Variants in DDHD2 observed in about 807,000 individuals in gnomAD.
The protein encoded by DDHD2 is DDHD domain containing 2.
In DDHD2, 62 loss-of-function variants were observed where a neutral mutation model predicts 91.2. The ratio of observed to expected loss-of-function variants is 0.68; its 90% CI spans 0.55 to 0.84. The LOEUF is 0.84. DDHD2 is among the 40% of genes least tolerant of loss of function. The probability of loss-of-function intolerance (pLI) is 0.00; values close to 1 mark genes in which losing one functional copy is unlikely to be tolerated. For synonymous variants in DDHD2, 271 were observed against 293.9 expected (o/e 0.92, Z 0.80); for missense variants, 740 against 846.9 (o/e 0.87, Z 1.57).
At chr8:38,241,925 G>A (rs1805295870) in intron 6 of DDHD2, 2 of 213,368 alleles carry the variant, frequency 9.4e-6, no homozygotes, top group African/African-American at 4.7e-5. Flanking sequence ...ATGGTGGTAT[G>A]TGCCTGTAAT....
chr8:38,267,871 T>C, intron 1 of DDHD2: 1 of 1,611,484 alleles, frequency 6.2e-7, no homozygotes, highest in Non-Finnish European at 8.5e-7. Context: ...AGGCAGATGC[T>C]GGGGTGGTTA....
chr8:38,260,105 A>G lies in DDHD2; in HGVS notation c.2120A>G (p.Asp707Gly), dbSNP rs755362169. The stretch of plus-strand genomic sequence containing the variant: ...TACCAAACCCAGGGTATCTTCCTTG[A>G]TCAGCCTTTACAGTAAAAATGACCC... ...EIYQTQGIFL[D>G]QPLQ Residue 707 changes from aspartate (D) to glycine (G), a missense_variant, in exon 17 of 18, where the codon GAT becomes GGT. Asp to Gly is a moderately conservative substitution (Grantham distance 94). This residue lies in a region of DDHD2 where 47 missense variants were observed against 82.6 expected (regional missense o/e 0.57). Transcript: ENST00000397166. The G allele has an allele frequency of 1.9e-6, 3 of 1,612,802 alleles. No individual in the cohort carries two copies. Among genetic ancestry groups the G allele is most frequent in the Non-Finnish European group, 2.5e-6 (3 of 1,178,940 alleles).
downstream of DDHD2, chr8:38,264,484 G>T (rs1373415973): frequency 1.9e-6 from 3 of 1,552,956 alleles, no homozygotes; most frequent in East Asian, 4.9e-5. Context: ...CTTCTGTGCA[G>T]TGGAAAGTAC....
chr8:38,268,724 GGATCTTAAACACTCGAGCCCT>G, intron 1 of DDHD2: 1 of 1,433,952 alleles, frequency 7.0e-7, no homozygotes, highest in Non-Finnish European at 9.1e-7. Context: ...CTCTCAATCA[GGATCTTAAACACTCGAGCCCT>G]AGGAGGCGGA....
chr8:38,269,554 C>T (rs908389283), intron 1 of DDHD2: 1 of 292,482 alleles, frequency 3.4e-6, no homozygotes, highest in Non-Finnish European at 6.3e-6. Flanking sequence ...CTCAGATCCT[C>T]GTTCCTTAGC....
intron 2 of DDHD2, among the ~76,000 whole-genome samples, chr8:38,234,140 A>G (rs147891283): frequency 6.6e-6 from 1 of 152,266 alleles, no homozygotes; most frequent in East Asian, 1.9e-4. Context: ...GGGCACTGCT[A>G]TCTTTCCCCA....
At chr8:38,247,880 T>C (rs754728517) in intron 10 of DDHD2, 45 bp downstream of exon 10, 3 of 1,479,418 alleles carry the variant, frequency 2.0e-6, no homozygotes, top group Admixed American at 2.4e-5. Flanking sequence ...ATTTTCAGTA[T>C]TTTTGTTTAT....
downstream of DDHD2, chr8:38,273,160 GCTC>G (rs747755647): frequency 6.6e-6 from 1 of 152,078 alleles, no homozygotes; most frequent in African/African-American, 2.4e-5. Context: ...ACCATGCCCG[GCTC>G]CTTTTTGTAT....
In DDHD2 at chr8:38,234,452, G is replaced by T. The variant is rs1003263082; in HGVS notation, c.279G>T (p.Leu93Phe). 8.1e-6 allele frequency: 13 copies of T among 1,611,942 alleles called. No individual in the cohort carries two copies. Among genetic ancestry groups the T allele is most frequent in the African/African-American group, 4.0e-5 (3 of 74,806 alleles). ...ATGGGGGCAGATATGATGTTCATTTGGGGGAGAGGATGCGGTATGCTGTAT... is the reference window on the plus strand; with the variant it reads ...ATGGGGGCAGATATGATGTTCATTTTGGGGAGAGGATGCGGTATGCTGTAT... ...PTDGGRYDVHLGERMRYAVYW... is the reference protein window; with the variant it reads ...PTDGGRYDVHFGERMRYAVYW... The change falls in exon 3 of 18, where the codon TTG (leucine) becomes TTT (phenylalanine). Residue 93 changes from leucine (L) to phenylalanine (F), a missense_variant. By Grantham distance (22) the Leu-to-Phe change is conservative. This residue lies in a region of DDHD2 where 693 missense variants were observed against 764.2 expected (regional missense o/e 0.91). Coordinates refer to ENST00000397166, the MANE Select transcript of DDHD2 (RefSeq NM_015214.3).
At chr8:38,264,946 G>C (rs761117206), downstream of DDHD2, 8 of 1,604,302 alleles carry the variant, frequency 5.0e-6, no homozygotes, top group African/African-American at 2.7e-5. Context: ...CCATTTAAAG[G>C]GTCCTAGAGG....
At position 38,245,968 on chromosome 8, in the gene DDHD2, G is replaced by A. The variant is rs1050894616; in HGVS notation, c.1057+18G>A. ...TAGTTTAGGTAACAAAATGAGTTCT[G>A]TGTGACCAGAGAAGACTATCACATT... On this transcript the variant is annotated intron_variant, in intron 8 of 17. Transcript: ENST00000397166. 4.4e-6 allele frequency: 7 copies of A among 1,599,190 alleles called. No homozygotes were observed. The highest frequency in any genetic ancestry group is 3.3e-5 in the Admixed American group (2 of 59,986).
downstream of DDHD2, chr8:38,265,007 G>A (rs370513247): frequency 1.2e-5 from 14 of 1,199,674 alleles, no homozygotes; most frequent in African/African-American, 1.2e-4. Context: ...GGTGACTCAC[G>A]CCTGTAATCC....
intron 8 of DDHD2, 65 bp from the exon 9 acceptor site, chr8:38,246,168 T>G (rs1020496102): frequency 1.6e-6 from 2 of 1,274,198 alleles, no homozygotes; most frequent in African/African-American, 1.5e-5. Context: ...ATGCCTTTTT[T>G]GTATAACAGA....
rs200605990 is a variant in DDHD2, at chr8:38,251,931, C to T, written c.1364C>T (p.Pro455Leu). The change falls in exon 12 of 18, where the codon CCG becomes CTG. Residue 455 changes from proline to leucine, a missense_variant. Around this residue, in one of 2 missense-constraint regions of DDHD2, gnomAD observed 693 missense variants for 764.2 expected, o/e 0.91. Coordinates refer to ENST00000397166, the MANE Select transcript of DDHD2 (RefSeq NM_015214.3). ...CTTTAGGGTATTAAGAGACCAGCCC[C>T]GCAGCCTGCTTCAGGGGCAAACATC... The part of the protein sequence containing the change: ...KNSMGIKRPA[P>L]QPASGANIPK... The T allele has an allele frequency of 3.1e-5, 50 of 1,613,890 alleles. No homozygotes were observed. Among genetic ancestry groups the T allele is most frequent in the Middle Eastern group, 1.6e-4 (1 of 6,062 alleles).
intron 3 of DDHD2, among the ~76,000 whole-genome samples, chr8:38,235,147 C>G (rs1804612888): frequency 6.6e-6 from 1 of 152,022 alleles, no homozygotes; most frequent in Non-Finnish European, 1.5e-5. Context: ...GAATATAACT[C>G]AGAATTGTAT....
intron 1 of DDHD2, chr8:38,269,069 G>A: frequency 1.3e-6 from 2 of 1,524,350 alleles, no homozygotes; most frequent in African/African-American, 1.4e-5. Flanking sequence ...GCCGCCCCGT[G>A]CCGCCCGCCT....
chr8:38,256,510 A>G (rs1806522415), intron 16 of DDHD2, among the ~76,000 whole-genome samples: 1 of 152,062 alleles, frequency 6.6e-6, no homozygotes, highest in South Asian at 2.1e-4. Flanking sequence ...TTTCGTAGAG[A>G]TGGGGTCTCA....
chr8:38,248,636 A>G (rs999460972), intron 10 of DDHD2, among the ~76,000 whole-genome samples: 1 of 152,014 alleles, frequency 6.6e-6, no homozygotes. Context: ...AGGTGCAGGA[A>G]GGCTTCCCTA....
chr8:38,242,603 C>T (rs1052091976), intron 7 of DDHD2, among the ~76,000 whole-genome samples: 1 of 152,172 alleles, frequency 6.6e-6, no homozygotes, highest in African/African-American at 2.4e-5. Flanking sequence ...CTAGTATTTA[C>T]TGTTACAGCT....
Sources: allele counts gnomAD v4.1 joint callset (sites outside exome capture counted in the v4.1 genomes callset), GRCh38; gene constraint gnomAD v4.1.1; regional missense constraint gnomAD v4.1.1; transcripts MANE v1.5; gene names NCBI Gene and HGNC (gene_info 2026-07-23, HGNC 2026-07-21).